The following CCSER1 variants were observed in gnomAD, a reference collection of about 807,000 sequenced individuals.
CCSER1 encodes serine-rich coiled-coil domain-containing protein 1.
CCSER1 carries 41 observed loss-of-function variants against 82.0 expected under a neutral mutation model. That is an observed-to-expected ratio of 0.50 (90% CI 0.39 to 0.65). The LOEUF is 0.65. Ranked by LOEUF, CCSER1 falls within the 30% of genes least tolerant of loss-of-function variation. The probability of loss-of-function intolerance (pLI) is 0.00; values close to 1 mark genes in which losing one functional copy is unlikely to be tolerated. For synonymous variants in CCSER1, 414 were observed against 383.9 expected (o/e 1.08, Z -0.92); for missense variants, 1,119 against 1,064.2 (o/e 1.05, Z -0.72).
intron 7 of CCSER1, among the ~76,000 whole-genome samples, chr4:90,798,950 G>A (rs1344664234): frequency 6.6e-6 from 1 of 152,194 alleles, no homozygotes; most frequent in Non-Finnish European, 1.5e-5. Context: ...GCATTTTTTA[G>A]TGCAGTAACA....
intron 7 of CCSER1, among the ~76,000 whole-genome samples, chr4:90,799,906 A>C: frequency 6.6e-6 from 1 of 152,194 alleles, no homozygotes; most frequent in East Asian, 1.9e-4. Context: ...GTGAGAGCAG[A>C]CTGCCCCTTG....
intron 3 of CCSER1, among the ~76,000 whole-genome samples, chr4:90,321,523 A>T (rs1287526508): frequency 6.6e-6 from 1 of 152,204 alleles, no homozygotes; most frequent in Non-Finnish European, 1.5e-5. Flanking sequence ...TGCAATAAAC[A>T]TGGGAGTGCA....
intron 10 of CCSER1, among the ~76,000 whole-genome samples, chr4:91,438,037 C>G (rs555400923): frequency 1.3e-3 from 193 of 152,304 alleles, no homozygotes; most frequent in Non-Finnish European, 1.6e-3. Flanking sequence ...TCTGTAGGCT[C>G]CACCTCTGGG....
intron 10 of CCSER1, among the ~76,000 whole-genome samples, chr4:91,551,709 A>G (rs572111521): frequency 6.8e-6 from 1 of 147,402 alleles, no homozygotes; most frequent in African/African-American, 2.5e-5. Context: ...ACAATCAGTC[A>G]AGGCCGAAGC....
At chr4:90,532,733 A>G (rs1774706568) in intron 5 of CCSER1, among the ~76,000 whole-genome samples, 1 of 152,110 alleles carries the variant, frequency 6.6e-6, no homozygotes, top group Admixed American at 6.6e-5. Flanking sequence ...TCTATTTCTT[A>G]CATTTAAAGG....
intron 9 of CCSER1, among the ~76,000 whole-genome samples, chr4:91,068,128 G>A (rs116410166): frequency 6.6e-6 from 1 of 152,176 alleles, no homozygotes; most frequent in East Asian, 1.9e-4. Context: ...TACCAGATAG[G>A]GAGAACTAAA....
At chr4:91,575,687 G>A (rs1354397743) in intron 10 of CCSER1, among the ~76,000 whole-genome samples, 1 of 151,818 alleles carries the variant, frequency 6.6e-6, no homozygotes, top group Non-Finnish European at 1.5e-5. Context: ...TAATTTTGAG[G>A]AAGTAGAACC....
At chr4:90,683,847 A>T (rs1734325688) in intron 6 of CCSER1, among the ~76,000 whole-genome samples, 1 of 152,148 alleles carries the variant, frequency 6.6e-6, no homozygotes, top group African/African-American at 2.4e-5. Context: ...GTCTGACAAT[A>T]GTCTAAAATT....
chr4:91,404,271 T>C (rs1040570634), intron 10 of CCSER1, among the ~76,000 whole-genome samples: 8 of 152,200 alleles, frequency 5.3e-5, no homozygotes, highest in South Asian at 2.1e-4. Flanking sequence ...TGTATCTATT[T>C]GATTCTTCTC....
At chr4:91,435,604 G>A (rs1195723311) in intron 10 of CCSER1, among the ~76,000 whole-genome samples, 4 of 152,158 alleles carry the variant, frequency 2.6e-5, no homozygotes, top group Admixed American at 2.6e-4. Flanking sequence ...TAAAGCATGT[G>A]TAGTATTAAA....
chr4:90,931,123 T>C (rs1040526061), intron 9 of CCSER1, among the ~76,000 whole-genome samples: 8 of 150,772 alleles, frequency 5.3e-5, no homozygotes, highest in African/African-American at 1.9e-4. Flanking sequence ...TTGAAATATA[T>C]ATCTGTACAT....
intron 5 of CCSER1, among the ~76,000 whole-genome samples, chr4:90,536,386 C>T (rs975676111): frequency 5.9e-5 from 9 of 152,038 alleles, no homozygotes; most frequent in Admixed American, 3.9e-4. Flanking sequence ...GTGAGAGTTG[C>T]GATAATTAGC....
intron 8 of CCSER1, among the ~76,000 whole-genome samples, chr4:90,922,865 A>G (rs926804151): frequency 6.6e-6 from 1 of 152,164 alleles, no homozygotes; most frequent in African/African-American, 2.4e-5. Context: ...TTCCCTAGTT[A>G]TCACAGGGTC....
chr4:90,919,918 G>GA (rs1245985564), intron 8 of CCSER1, among the ~76,000 whole-genome samples: 1 of 151,642 alleles, frequency 6.6e-6, no homozygotes, highest in Non-Finnish European at 1.5e-5. Context: ...TCATAAATGT[G>GA]AAAAAATAAG....
At chr4:91,469,074 T>C (rs994123068) in intron 10 of CCSER1, among the ~76,000 whole-genome samples, 1 of 152,194 alleles carries the variant, frequency 6.6e-6, no homozygotes, top group Non-Finnish European at 1.5e-5. Flanking sequence ...TAATTGATAA[T>C]ATGAAAGATT....
chr4:91,559,815 C>T (rs550017384), intron 10 of CCSER1, among the ~76,000 whole-genome samples: 38 of 151,000 alleles, frequency 2.5e-4, no homozygotes, highest in African/African-American at 8.7e-4. Flanking sequence ...TAAATAGTAT[C>T]ATATTGTAAT....
rs578020380 is a variant in CCSER1, at chr4:91,183,403, A to G, written c.2217+97409A>G. ...TGTAAAAAACATTTTCAGCACCTTC[A>G]ATTGGTTTAAATTTAGTTATTTTAG... On this transcript the variant is annotated intron_variant, in intron 10 of 10. Transcript: ENST00000509176. 4.6e-5 allele frequency among the ~76,000 whole-genome samples: 7 copies of G among 152,240 alleles called. 1 individual carries two copies. In the South Asian group the frequency reaches 1.5e-3, roughly 32 times the overall value.
intron 5 of CCSER1, among the ~76,000 whole-genome samples, chr4:90,517,830 G>A (rs1197255519): frequency 6.6e-6 from 1 of 152,002 alleles, no homozygotes; most frequent in African/African-American, 2.4e-5. Context: ...TCTGTGAGGT[G>A]GGTATTATAA....
intron 10 of CCSER1, among the ~76,000 whole-genome samples, chr4:91,173,638 A>G (rs1273165087): frequency 6.6e-6 from 1 of 150,970 alleles, no homozygotes; most frequent in East Asian, 1.9e-4. Context: ...AGTCTCTCAG[A>G]GGCATTCAGA....
Sources: gnomAD v4.1 joint callset for allele counts (sites outside exome capture counted in the v4.1 genomes callset) on GRCh38, gnomAD v4.1.1 for gene constraint, MANE v1.5 for transcripts, NCBI Gene and HGNC (gene_info 2026-07-23, HGNC 2026-07-21) for gene names.